Variants in SAMD3 observed in about 807,000 individuals in gnomAD.
SAMD3 encodes sterile alpha motif domain-containing protein 3.
SAMD3 carries 63 observed loss-of-function variants against 58.5 expected under a neutral mutation model. That is an observed-to-expected ratio of 1.08 (90% CI 0.88 to 1.33). The LOEUF is 1.33. SAMD3 is among the 40% of genes most tolerant of loss of function. The probability of loss-of-function intolerance (pLI) is 0.00; values close to 1 mark genes in which losing one functional copy is unlikely to be tolerated. For synonymous variants in SAMD3, 220 were observed against 210.3 expected (o/e 1.05, Z -0.40); for missense variants, 604 against 608.4 (o/e 0.99, Z 0.08).
chr6:130,308,302 CG>C (rs1262181765), intron 2 of SAMD3, among the ~76,000 whole-genome samples: 1 of 151,744 alleles, frequency 6.6e-6, no homozygotes, highest in Non-Finnish European at 1.5e-5. Context: ...TGGAGAGAGT[CG>C]AGGTCCTCAT....
chr6:130,268,744 A>C (rs1160851974), intron 2 of SAMD3, among the ~76,000 whole-genome samples: 6 of 152,314 alleles, frequency 3.9e-5, no homozygotes, highest in Non-Finnish European at 4.4e-5. Flanking sequence ...GTAGTAGGCT[A>C]TACCATCTAG....
At chr6:130,309,002 G>A (rs977128174) in intron 2 of SAMD3, among the ~76,000 whole-genome samples, 1 of 152,078 alleles carries the variant, frequency 6.6e-6, no homozygotes, top group African/African-American at 2.4e-5. Flanking sequence ...GTTGGTGAAT[G>A]GCAAAATCCA....
At chr6:130,149,468 T>C (rs1266175605) in intron 9 of SAMD3, among the ~76,000 whole-genome samples, 1 of 152,092 alleles carries the variant, frequency 6.6e-6, no homozygotes, top group African/African-American at 2.4e-5. Context: ...TCCACCTAGA[T>C]GCCCATCAAT....
intron 1 of SAMD3, among the ~76,000 whole-genome samples, chr6:130,314,036 T>C (rs192721537): frequency 1.3e-5 from 2 of 152,356 alleles, no homozygotes; most frequent in East Asian, 1.9e-4. Context: ...GGAGCAATAG[T>C]AAACATGTGT....
upstream of SAMD3, among the ~76,000 whole-genome samples, chr6:130,225,662 G>A (rs896849449): frequency 6.6e-6 from 1 of 152,166 alleles, no homozygotes; most frequent in Non-Finnish European, 1.5e-5. Flanking sequence ...ACCATTCTTT[G>A]ATTACATATG....
intron 1 of SAMD3, among the ~76,000 whole-genome samples, chr6:130,314,342 C>A (rs1178765795): frequency 6.6e-6 from 1 of 152,258 alleles, no homozygotes; most frequent in Non-Finnish European, 1.5e-5. Context: ...AAAATAGACA[C>A]CTTTAAGCAA....
chr6:130,312,326 T>G (rs952263617), intron 2 of SAMD3, among the ~76,000 whole-genome samples: 23 of 152,180 alleles, frequency 1.5e-4, no homozygotes, highest in African/African-American at 4.8e-4. Flanking sequence ...ACTGAAGAAA[T>G]TTTAAAACAA....
At chr6:130,336,239 C>CA (rs748934680) in intron 1 of SAMD3, among the ~76,000 whole-genome samples, 10 of 151,830 alleles carry the variant, frequency 6.6e-5, no homozygotes, top group East Asian at 3.9e-4. Context: ...CTTTAATTAC[C>CA]AAAAAAACCC....
chr6:130,164,187 T>A (rs1221188664), intron 8 of SAMD3, among the ~76,000 whole-genome samples: 1 of 151,866 alleles, frequency 6.6e-6, no homozygotes, highest in African/African-American at 2.4e-5. Context: ...TGCGGCAAAA[T>A]GTTAGGTATT....
intron 2 of SAMD3, among the ~76,000 whole-genome samples, chr6:130,308,380 A>ATTCTATTCTATTCT (rs1775997797): frequency 2.0e-4 from 27 of 135,118 alleles, no homozygotes; most frequent in African/African-American, 2.6e-4. Context: ...ATTCTATTCT[A>ATTCTATTCTATTCT]TTCTATTCTA....
Position 130,168,503 on chromosome 6 carries a change from G to A in SAMD3, c.822+7338C>T, listed in dbSNP as rs978723684. On this transcript the variant is annotated intron_variant, in intron 8 of 11. Transcript: ENST00000439090. ...TAAGACATCTACCTTCAATTCTTTG[G>A]TAAATCCCATCAGACCACCAAAGGA... is the stretch of plus-strand genomic sequence containing the variant. Among the ~76,000 whole-genome samples the A allele has an allele frequency of 3.9e-5, 6 of 152,134 alleles. No individual in the cohort carries two copies. In the South Asian group the frequency reaches 1.2e-3, roughly 32 times the overall value.
rs56707260 is a variant in SAMD3 at position 130,180,953 on chromosome 6, C to CTTTCTTTTTTTTT, written c.654+3149_654+3150insAAAAAAAAAGAAA. On this transcript the variant is annotated intron_variant, in intron 7 of 11. Coordinates refer to ENST00000439090, the MANE Select transcript of SAMD3 (RefSeq NM_001017373.4). ...TTTTCTTTTTTCTTTTTCTTTCTTT[C>CTTTCTTTTTTTTT]TTTTTTCTTTTGAGACGGAGTTCCG... Among the ~76,000 whole-genome samples, 86 of 117,380 alleles carry CTTTCTTTTTTTTT rather than the reference C, an allele frequency of 7.3e-4. 1 individual carries two copies. The highest frequency in any genetic ancestry group is 8.2e-4 in the South Asian group (3 of 3,656). 77.0% of individuals were successfully genotyped at this position (117,380 alleles called of 152,430 possible).
At chr6:130,265,479 G>C (rs148960370) in intron 2 of SAMD3, among the ~76,000 whole-genome samples, 2 of 152,280 alleles carry the variant, frequency 1.3e-5, no homozygotes, top group African/African-American at 4.8e-5. Flanking sequence ...GACTTCAACT[G>C]ACCTTCCTCA....
intron 2 of SAMD3, among the ~76,000 whole-genome samples, chr6:130,232,619 G>A (rs1004881809): frequency 6.6e-6 from 1 of 152,018 alleles, no homozygotes; most frequent in Non-Finnish European, 1.5e-5. Context: ...CTACATGTTG[G>A]TTTTCCTCCT....
intron 2 of SAMD3, among the ~76,000 whole-genome samples, chr6:130,263,922 G>C (rs543361169): frequency 3.1e-4 from 47 of 152,162 alleles, no homozygotes; most frequent in Non-Finnish European, 4.9e-4. Context: ...GAGCAAGGAT[G>C]GACTGCCCCA....
chr6:130,203,593 A>T (rs1164805065), intron 5 of SAMD3, among the ~76,000 whole-genome samples: 2 of 152,212 alleles, frequency 1.3e-5, no homozygotes, highest in African/African-American at 2.4e-5. Flanking sequence ...CTCTTTCATT[A>T]TCTGTTGTGG....
At chr6:130,359,649 A>C (rs552500848) in intron 1 of SAMD3, among the ~76,000 whole-genome samples, 1 of 152,334 alleles carries the variant, frequency 6.6e-6, no homozygotes, top group South Asian at 2.1e-4. Flanking sequence ...CAAACACACC[A>C]GACCACAATA....
intron 2 of SAMD3, among the ~76,000 whole-genome samples, chr6:130,263,815 G>A (rs1228684348): frequency 1.3e-5 from 2 of 152,074 alleles, no homozygotes; most frequent in Admixed American, 1.3e-4. Context: ...TTAATCGGGG[G>A]AGATTTCGAT....
intron 8 of SAMD3, chr6:130,175,626 C>T (rs967538951): frequency 6.7e-5 from 25 of 375,824 alleles, no homozygotes; most frequent in Non-Finnish European, 8.5e-5. Context: ...AAACTGGACA[C>T]GAGATGTTCA....
Sources: gnomAD v4.1 joint callset for allele counts (sites outside exome capture counted in the v4.1 genomes callset) on GRCh38, gnomAD v4.1.1 for gene constraint, MANE v1.5 for transcripts, NCBI Gene and HGNC (gene_info 2026-07-23, HGNC 2026-07-21) for gene names.